The following AKAIN1 variants were observed in gnomAD, a reference collection of about 807,000 sequenced individuals.
AKAIN1 encodes A-kinase anchor inhibitor 1, also known as A-kinase anchor protein inhibitor 1.
In AKAIN1, 3 loss-of-function variants were observed where a neutral mutation model predicts 3.7. The ratio of observed to expected loss-of-function variants is 0.82; its 90% CI spans 0.37 to 2.12. The LOEUF (loss-of-function observed/expected upper bound fraction) is 2.12, where lower values mean the gene tolerates loss of function less well. AKAIN1 is among the 30% of genes most tolerant of loss of function. AKAIN1 has a pLI of 0.06. For missense variants in AKAIN1, 82 were observed against 82.7 expected (o/e 0.99, Z 0.03); for synonymous variants, 31 against 30.8 (o/e 1.01, Z -0.02).
At chr18:5,185,010 G>T (rs2071278865) in intron 1 of AKAIN1, among the ~76,000 whole-genome samples, 1 of 151,976 alleles carries the variant, frequency 6.6e-6, no homozygotes, top group Admixed American at 6.6e-5. Context: ...ATAAACCAAT[G>T]GAACAGAATA....
rs1185187309 is a variant in AKAIN1, at chr18:5,144,904, G to C, written c.*658C>G. Reference sequence around the variant, plus strand: ...AATATTCCCAAAAGATTTCTACACAGAGCATAAACACCAATTATGAAATCA... The same window carrying C: ...AATATTCCCAAAAGATTTCTACACACAGCATAAACACCAATTATGAAATCA... On this transcript the variant is annotated 3_prime_UTR_variant, in exon 2 of 2. Transcript: ENST00000434239. Among the ~76,000 whole-genome samples, 1 of 152,210 alleles carries C rather than the reference G, an allele frequency of 6.6e-6. No individual in the cohort carries two copies. Among genetic ancestry groups the C allele is most frequent in the African/African-American group, 2.4e-5 (1 of 41,466 alleles).
chr18:5,145,854 C>T (rs771539300), intron 1 of AKAIN1, 99 bp from the exon 2 acceptor site: 2 of 1,005,266 alleles, frequency 2.0e-6, no homozygotes, highest in Non-Finnish European at 2.9e-6. Context: ...AAGAGTGAGA[C>T]TGTAAGAACA....
chr18:5,197,546 G>A (rs903725245), upstream of AKAIN1: 39 of 1,111,300 alleles, frequency 3.5e-5, no homozygotes, highest in African/African-American at 5.4e-4. This position sits in a 1 kb window ranked among gnomAD's most constrained non-coding sequence, Gnocchi z 6.9. Context: ...TCTCGAGGAT[G>A]ACTCTGAGTT....
At chr18:5,177,955 T>C (rs893516289) in intron 1 of AKAIN1, among the ~76,000 whole-genome samples, 5 of 152,082 alleles carry the variant, frequency 3.3e-5, no homozygotes, top group African/African-American at 1.2e-4. Context: ...GCATAAATGT[T>C]GTGGGCCCTG....
upstream of AKAIN1, chr18:5,197,486 C>T (rs1214329915): frequency 2.5e-5 from 16 of 643,380 alleles, no homozygotes; most frequent in African/African-American, 3.5e-4. The surrounding 1 kb of genome is among the most constrained non-coding windows in gnomAD (Gnocchi z 6.9). Flanking sequence ...ATTGGACTGA[C>T]ATTTAAGATA....
chr18:5,168,711 G>A (rs1169654960), intron 1 of AKAIN1, among the ~76,000 whole-genome samples: 1 of 151,926 alleles, frequency 6.6e-6, no homozygotes, highest in African/African-American at 2.4e-5. Flanking sequence ...CCCTTCAAGA[G>A]CTTAAAACAT....
chr18:5,193,941 C>A (rs913281388), intron 1 of AKAIN1, among the ~76,000 whole-genome samples: 1 of 152,080 alleles, frequency 6.6e-6, no homozygotes, highest in Non-Finnish European at 1.5e-5. Context: ...TGCTTCTTAG[C>A]TTTCTCATAT....
chr18:5,144,731 G>C lies in AKAIN1; in HGVS notation c.*831C>G, dbSNP rs12963531. Among the ~76,000 whole-genome samples the C allele has an allele frequency of 1.2e-3, 181 of 152,206 alleles. No homozygotes were observed. Among genetic ancestry groups the C allele is most frequent in the African/African-American group, 3.5e-3 (144 of 41,522 alleles). ...TGTTGCACCCCATAATCAGCCCCAAGTGTAAGTCTCTTAATGATAGGCAGC... is the reference window on the plus strand; with the variant it reads ...TGTTGCACCCCATAATCAGCCCCAACTGTAAGTCTCTTAATGATAGGCAGC... On this transcript the variant is annotated 3_prime_UTR_variant, in exon 2 of 2. Coordinates refer to ENST00000434239, the MANE Select transcript of AKAIN1 (RefSeq NM_001145194.2).
At chr18:5,155,385 G>C (rs938003082) in intron 1 of AKAIN1, among the ~76,000 whole-genome samples, 3 of 152,128 alleles carry the variant, frequency 2.0e-5, no homozygotes, top group African/African-American at 7.2e-5. Flanking sequence ...CGCATGCGTA[G>C]GTTTCTCTTT....
intron 1 of AKAIN1, among the ~76,000 whole-genome samples, chr18:5,185,469 G>T (rs1014309884): frequency 6.6e-6 from 1 of 152,004 alleles, no homozygotes; most frequent in African/African-American, 2.4e-5. Flanking sequence ...CTAATATCCA[G>T]AATCTACAAG....
intron 1 of AKAIN1, among the ~76,000 whole-genome samples, chr18:5,165,271 G>A (rs934385914): frequency 2.6e-5 from 4 of 151,934 alleles, no homozygotes; most frequent in Non-Finnish European, 5.9e-5. Context: ...AATAAAAGCA[G>A]ATAAAATGGT....
rs1036970655 is a variant in AKAIN1 at position 5,178,975 on chromosome 18, G to A, written c.16+18063C>T. ...CCAATTTTCTTTGGGTTTTCCCTTC[G>A]TATTATTTAATAAAAGTCAACCTCA... On this transcript the variant is annotated intron_variant, in intron 1 of 1. Coordinates refer to ENST00000434239, the MANE Select transcript of AKAIN1 (RefSeq NM_001145194.2). 7.9e-5 allele frequency among the ~76,000 whole-genome samples: 12 copies of A among 152,192 alleles called. No individual in the cohort carries two copies. In the South Asian group the frequency reaches 1.7e-3, roughly 21 times the overall value.
intron 1 of AKAIN1, among the ~76,000 whole-genome samples, chr18:5,179,546 G>A (rs759416832): frequency 1.3e-5 from 2 of 152,082 alleles, no homozygotes; most frequent in Non-Finnish European, 2.9e-5. Flanking sequence ...ACATATGAAT[G>A]CAGGTATCTT....
intron 1 of AKAIN1, among the ~76,000 whole-genome samples, chr18:5,160,110 G>T (rs1176381203): frequency 6.6e-6 from 1 of 152,110 alleles, no homozygotes; most frequent in Non-Finnish European, 1.5e-5. Context: ...CTAGAAATAG[G>T]AGTAGTTGTC....
chr18:5,174,281 T>G (rs556246596), intron 1 of AKAIN1, among the ~76,000 whole-genome samples: 51 of 152,214 alleles, frequency 3.4e-4, no homozygotes, highest in African/African-American at 1.2e-3. Context: ...GAATTCCCTT[T>G]CAAGGGAATA....
intron 1 of AKAIN1, among the ~76,000 whole-genome samples, chr18:5,159,594 T>G (rs2071127922): frequency 6.6e-6 from 1 of 152,208 alleles, no homozygotes; most frequent in South Asian, 2.1e-4. Context: ...TAGTTTAAGA[T>G]ACAAGAACTT....
Position 5,197,241 on chromosome 18 carries a change from C to T in AKAIN1, c.-188G>A. ...GGCCGCAGCTCCAGCCGCCGCCGCG[C>T]GCTCTGCCTCCACAATGCGGCCACA... is the stretch of plus-strand genomic sequence containing the variant. On this transcript the variant is annotated 5_prime_UTR_variant, in exon 1 of 2. Coordinates refer to ENST00000434239, the MANE Select transcript of AKAIN1 (RefSeq NM_001145194.2). The surrounding 1 kb of genome is among the most constrained non-coding windows in gnomAD (Gnocchi z 6.9). 1.4e-6 allele frequency: 2 copies of T among 1,382,874 alleles called. No individual in the cohort carries two copies. Among genetic ancestry groups the T allele is most frequent in the Non-Finnish European group, 1.9e-6 (2 of 1,078,854 alleles). 85.7% of individuals were successfully genotyped at this position (1,382,874 alleles called of 1,614,324 possible). A position where few individuals can be genotyped will look rare whatever the true frequency, so the allele number is the denominator to read the frequency against.
intron 1 of AKAIN1, among the ~76,000 whole-genome samples, chr18:5,165,126 T>C (rs553579793): frequency 6.6e-6 from 1 of 152,044 alleles, no homozygotes; most frequent in African/African-American, 2.4e-5. Context: ...TAAAAACGAA[T>C]TGAGGAATTA....
At chr18:5,193,223 T>G (rs550309467) in intron 1 of AKAIN1, among the ~76,000 whole-genome samples, 1 of 152,348 alleles carries the variant, frequency 6.6e-6, no homozygotes, top group South Asian at 2.1e-4. Context: ...ACTGGCTGTC[T>G]TTTTGCTTAC....
Sources: allele counts gnomAD v4.1 joint callset (sites outside exome capture counted in the v4.1 genomes callset), GRCh38; gene constraint gnomAD v4.1.1; non-coding constraint Gnocchi (gnomAD v3.1); transcripts MANE v1.5; gene names NCBI Gene and HGNC (gene_info 2026-07-23, HGNC 2026-07-21).